Variants in TNR observed in about 807,000 individuals in gnomAD.
TNR encodes the protein tenascin-R.
A neutral mutation model predicts 150.4 loss-of-function variants in TNR; 45 were observed. The ratio of observed to expected loss-of-function variants is 0.30; its 90% CI spans 0.24 to 0.38. TNR has a LOEUF of 0.38. Among genes scored for constraint, TNR ranks in the 10% least tolerant of loss-of-function variants. The pLI, the probability that TNR is intolerant of heterozygous loss-of-function variation, is 1.00. For synonymous variants in TNR, 687 were observed against 678.4 expected (o/e 1.01, Z -0.20); for missense variants, 1,544 against 1,759.1 (o/e 0.88, Z 2.19).
chr1:175,554,417 T>TC (rs1447035328), intron 1 of TNR, among the ~76,000 whole-genome samples: 1 of 151,900 alleles, frequency 6.6e-6, no homozygotes, highest in Non-Finnish European at 1.5e-5. Context: ...AGGCTGGTGC[T>TC]CATCAGAGTA....
chr1:175,335,855 AC>A (rs749124290), intron 19 of TNR, 48 bp from the exon 20 acceptor site: 7 of 1,519,062 alleles, frequency 4.6e-6, no homozygotes, highest in Non-Finnish European at 6.3e-6. Context: ...AAAAAACAAA[AC>A]CCAAAGAGAT....
At chr1:175,633,583 T>C (rs1039540029) in intron 1 of TNR, among the ~76,000 whole-genome samples, 4 of 152,180 alleles carry the variant, frequency 2.6e-5, no homozygotes, top group African/African-American at 4.8e-5. Flanking sequence ...CTACCTAAAT[T>C]ATTTAATTAC....
rs201842928 is a variant in TNR, at chr1:175,709,293, TCA to T, written c.-165+33931_-165+33932del. On this transcript the variant is annotated intron_variant, in intron 1 of 22. Coordinates refer to ENST00000367674, the MANE Select transcript of TNR (RefSeq NM_003285.3). The stretch of plus-strand genomic sequence containing the variant: ...CAAAATTGGGCTTCCTCCCTTGCTT[TCA>T]CACACACACACATACACACACACAC... Among the ~76,000 whole-genome samples the T allele has an allele frequency of 2.4e-4, 32 of 135,280 alleles. No individual in the cohort carries two copies. In the South Asian group the frequency reaches 3.1e-3, roughly 13 times the overall value. 88.7% of individuals were successfully genotyped at this position (135,280 alleles called of 152,430 possible).
intron 2 of TNR, among the ~76,000 whole-genome samples, chr1:175,485,804 C>T (rs533431770): frequency 1.6e-4 from 25 of 152,172 alleles, no homozygotes; most frequent in Non-Finnish European, 3.2e-4. Flanking sequence ...ATGGCTCAGA[C>T]TAAATAATAG....
intron 1 of TNR, among the ~76,000 whole-genome samples, chr1:175,588,277 T>C (rs534480412): frequency 2.0e-5 from 3 of 152,312 alleles, no homozygotes; most frequent in African/African-American, 7.2e-5. Flanking sequence ...GGTAGCAGTG[T>C]GACTAATTTT....
At chr1:175,611,087 C>A (rs1024554937) in intron 1 of TNR, among the ~76,000 whole-genome samples, 1 of 152,156 alleles carries the variant, frequency 6.6e-6, no homozygotes, top group Non-Finnish European at 1.5e-5. Context: ...CTCCCCCTTG[C>A]CCTTTGCTTG....
intron 9 of TNR, among the ~76,000 whole-genome samples, chr1:175,367,835 C>T (rs1045404292): frequency 3.3e-5 from 5 of 152,056 alleles, no homozygotes; most frequent in Non-Finnish European, 2.9e-5. Context: ...ACAGGGCTGT[C>T]GAGTAGGAGC....
intron 1 of TNR, among the ~76,000 whole-genome samples, chr1:175,706,624 C>T (rs1290886767): frequency 2.6e-5 from 4 of 152,120 alleles, no homozygotes; most frequent in African/African-American, 7.2e-5. Flanking sequence ...TACCATCTCC[C>T]GAGGGAACCA....
intron 1 of TNR, among the ~76,000 whole-genome samples, chr1:175,650,047 A>C (rs1485859497): frequency 1.3e-5 from 2 of 152,174 alleles, no homozygotes; most frequent in Non-Finnish European, 2.9e-5. Flanking sequence ...ATCCTTAAAA[A>C]ACTGTGCTGT....
chr1:175,574,193 A>T (rs1333019255), intron 1 of TNR, among the ~76,000 whole-genome samples: 1 of 152,196 alleles, frequency 6.6e-6, no homozygotes, highest in Non-Finnish European at 1.5e-5. Flanking sequence ...CCTTCAGGCC[A>T]TTACCATGGC....
chr1:175,448,732 C>T (rs1038659051), intron 2 of TNR, among the ~76,000 whole-genome samples: 1 of 152,166 alleles, frequency 6.6e-6, no homozygotes, highest in Admixed American at 6.5e-5. Flanking sequence ...TCAAGGCTTC[C>T]GATATTCACT....
intron 1 of TNR, among the ~76,000 whole-genome samples, chr1:175,692,895 C>A (rs975330287): frequency 6.6e-6 from 1 of 152,152 alleles, no homozygotes; most frequent in Non-Finnish European, 1.5e-5. Flanking sequence ...TAGGGAGAAC[C>A]ATATCAGTCC....
intron 2 of TNR, among the ~76,000 whole-genome samples, chr1:175,419,539 T>C (rs1654656598): frequency 1.3e-5 from 2 of 152,118 alleles, no homozygotes; most frequent in South Asian, 2.1e-4. Flanking sequence ...AATTCCTCTG[T>C]GGCACGATCT....
chr1:175,566,092 C>A (rs1661631301), intron 1 of TNR, among the ~76,000 whole-genome samples: 1 of 152,146 alleles, frequency 6.6e-6, no homozygotes. Context: ...ATTACTCAGC[C>A]TCAAGCAGAG....
chr1:175,643,178 C>T (rs1159952205), intron 1 of TNR, among the ~76,000 whole-genome samples: 1 of 152,188 alleles, frequency 6.6e-6, no homozygotes. Flanking sequence ...TGGCCTGCAC[C>T]TCTTTTCAGA....
At chr1:175,654,392 G>A (rs1665106316) in intron 1 of TNR, among the ~76,000 whole-genome samples, 1 of 152,160 alleles carries the variant, frequency 6.6e-6, no homozygotes, top group South Asian at 2.1e-4. Context: ...GGAAAGAAGG[G>A]GATTTTGTGG....
intron 1 of TNR, among the ~76,000 whole-genome samples, chr1:175,695,833 T>A (rs1571761345): frequency 6.6e-6 from 1 of 152,220 alleles, no homozygotes; most frequent in East Asian, 1.9e-4. Flanking sequence ...TTGATATCTA[T>A]CTTCCTCACT....
In TNR at chr1:175,482,517, C is replaced by A. The variant is rs573185202; in HGVS notation, c.-64+45752G>T. On this transcript the variant is annotated intron_variant, in intron 2 of 22. Transcript: ENST00000367674. ...AAATGAATCGCAGGAACCATAAGCT[C>A]ATATGCTACCACAGGCCAAAGAGGA... Among the ~76,000 whole-genome samples, 26 of 152,184 alleles carry A rather than the reference C, an allele frequency of 1.7e-4. 1 individual carries two copies. The highest frequency in any genetic ancestry group is 1.7e-3 in the Admixed American group (26 of 15,284).
At chr1:175,736,955 A>G (rs1163947078) in intron 1 of TNR, among the ~76,000 whole-genome samples, 1 of 152,160 alleles carries the variant, frequency 6.6e-6, no homozygotes, top group Non-Finnish European at 1.5e-5. Context: ...CAGGAGGTAG[A>G]GTCTATGGTG....
Sources: allele counts gnomAD v4.1 joint callset (sites outside exome capture counted in the v4.1 genomes callset), GRCh38; gene constraint gnomAD v4.1.1; transcripts MANE v1.5; gene names NCBI Gene and HGNC (gene_info 2026-07-23, HGNC 2026-07-21).